DRGX: variants seen among roughly 807,000 people sequenced by gnomAD.
DRGX encodes the protein dorsal root ganglia homeobox protein.
In DRGX, 21 loss-of-function variants were observed where a neutral mutation model predicts 28.6. The ratio of observed to expected loss-of-function variants is 0.73; its 90% CI spans 0.52 to 1.06. The LOEUF (loss-of-function observed/expected upper bound fraction) is 1.06. Ranked by LOEUF, DRGX falls within the 50% of genes least tolerant of loss-of-function variation. The pLI is 0.00. For missense variants in DRGX, 354 were observed against 343.9 expected (o/e 1.03, Z -0.23); for synonymous variants, 136 against 139.1 (o/e 0.98, Z 0.16).
chr10:49,387,584 A>C, intron 4 of DRGX, among the ~76,000 whole-genome samples: 1 of 150,212 alleles, frequency 6.7e-6, no homozygotes, highest in African/African-American at 2.5e-5. Context: ...AATCACTTGA[A>C]CCCGGGAGGT....
intron 4 of DRGX, among the ~76,000 whole-genome samples, chr10:49,389,486 A>G (rs202245500): frequency 3.3e-5 from 5 of 152,166 alleles, no homozygotes; most frequent in South Asian, 2.1e-4. Context: ...TTCCTCTCGC[A>G]CTTGGGCACA....
chr10:49,383,510 A>T (rs1041955273), intron 6 of DRGX, among the ~76,000 whole-genome samples: 2 of 152,210 alleles, frequency 1.3e-5, no homozygotes, highest in African/African-American at 2.4e-5. Context: ...CAGCAGGGCC[A>T]TGGCAGGTCC....
chr10:49,393,460 T>A (rs1204571092), intron 2 of DRGX, among the ~76,000 whole-genome samples: 1 of 152,246 alleles, frequency 6.6e-6, no homozygotes, highest in Non-Finnish European at 1.5e-5. Context: ...TCTGTTGTAT[T>A]CAAACTTCTC....
chr10:49,384,330 C>T (rs1399424675), intron 6 of DRGX, among the ~76,000 whole-genome samples: 1 of 152,238 alleles, frequency 6.6e-6, no homozygotes, highest in African/African-American at 2.4e-5. Flanking sequence ...AAGGGCCCGC[C>T]ATGCCCCTGA....
chr10:49,395,331 C>A, intron 2 of DRGX, 76 bp downstream of exon 2: 1 of 1,534,616 alleles, frequency 6.5e-7, no homozygotes, highest in Non-Finnish European at 8.8e-7. Flanking sequence ...CAGCCACCCA[C>A]CAGCCCTGCT....
At chr10:49,372,672 T>G (rs1009445680) in intron 6 of DRGX, among the ~76,000 whole-genome samples, 6 of 152,230 alleles carry the variant, frequency 3.9e-5, no homozygotes, top group Non-Finnish European at 8.8e-5. Flanking sequence ...GAGGACACCA[T>G]GATGGACACG....
intron 6 of DRGX, among the ~76,000 whole-genome samples, chr10:49,385,412 C>T (rs1002579298): frequency 1.3e-5 from 2 of 152,108 alleles, no homozygotes; most frequent in African/African-American, 4.8e-5. Flanking sequence ...TATCTCTGGG[C>T]ACTCTCCCAT....
chr10:49,390,561 A>G (rs1849891541), intron 3 of DRGX, among the ~76,000 whole-genome samples: 1 of 152,202 alleles, frequency 6.6e-6, no homozygotes, highest in South Asian at 2.1e-4. Flanking sequence ...CTGTTAGAGT[A>G]ATTGTTATCG....
chr10:49,385,530 CCTT>C (rs1196365293), intron 6 of DRGX, among the ~76,000 whole-genome samples: 1 of 152,192 alleles, frequency 6.6e-6, no homozygotes, highest in African/African-American at 2.4e-5. Context: ...ATCATATTCT[CCTT>C]CTGTCTCCAG....
At chr10:49,392,223 A>G (rs944896745) in intron 2 of DRGX, among the ~76,000 whole-genome samples, 7 of 152,258 alleles carry the variant, frequency 4.6e-5, no homozygotes, top group Non-Finnish European at 1.0e-4. Context: ...GAATCACGGC[A>G]TTAGGAGTTC....
At chr10:49,393,668 C>G (rs1392132602) in intron 2 of DRGX, among the ~76,000 whole-genome samples, 1 of 152,224 alleles carries the variant, frequency 6.6e-6, no homozygotes, top group Non-Finnish European at 1.5e-5. Flanking sequence ...ATCCCTTTCA[C>G]CCAGCAACAC....
At chr10:49,375,499 G>A (rs1849707359) in intron 6 of DRGX, among the ~76,000 whole-genome samples, 3 of 152,196 alleles carry the variant, frequency 2.0e-5, no homozygotes, top group Non-Finnish European at 4.4e-5. Context: ...TAACCAATCT[G>A]ATTAATGTCA....
intron 6 of DRGX, 50 bp downstream of exon 6, chr10:49,386,428 C>T (rs1849836671): frequency 1.4e-6 from 2 of 1,459,122 alleles, no homozygotes; most frequent in Non-Finnish European, 9.1e-7. Context: ...ACACAAACTC[C>T]ACCAACCCCA....
intron 6 of DRGX, among the ~76,000 whole-genome samples, chr10:49,374,939 C>T (rs1005905944): frequency 1.3e-5 from 2 of 152,166 alleles, no homozygotes; most frequent in African/African-American, 4.8e-5. Flanking sequence ...CAGCATAGTT[C>T]ACTTATTTCC....
intron 1 of DRGX, 31 bp from the exon 2 acceptor site, chr10:49,395,552 T>A: frequency 7.6e-7 from 1 of 1,322,020 alleles, no homozygotes; most frequent in South Asian, 1.3e-5. Context: ...GAGCTTCAAG[T>A]CTCCCTCTGC....
intron 3 of DRGX, 50 bp from the exon 4 acceptor site, chr10:49,390,284 G>C: frequency 6.7e-6 from 10 of 1,495,764 alleles, no homozygotes; most frequent in Non-Finnish European, 9.1e-6. Flanking sequence ...GCTAGGTGAG[G>C]GGAAGCAGAT....
Position 49,366,269 on chromosome 10 carries a change from G to A in DRGX, c.639C>T (p.Ala213=), listed in dbSNP as rs183224892. The change falls in exon 7 of 7, where the codon GCC becomes GCT. Residue 213 remains alanine, a synonymous_variant. Coordinates refer to ENST00000374139, the MANE Select transcript of DRGX (RefSeq NM_001276451.2). ...GCAGGACAGCTTCTGAGTGCTCGCG[G>A]GCCTTCATGCGCAGGGTGGCCACGC... ...TASVATLRMK[A]REHSEAVLQS... The A allele has an allele frequency of 4.3e-3, 6,908 of 1,613,940 alleles. 18 individuals carry two copies. The highest frequency in any genetic ancestry group is 6.5e-3 in the East Asian group (290 of 44,880).
At chr10:49,390,062 C>T in intron 4 of DRGX, 71 bp downstream of exon 4, 1 of 1,420,144 alleles carries the variant, frequency 7.0e-7, no homozygotes, top group South Asian at 1.3e-5. Flanking sequence ...GTGCACTCTG[C>T]AGTCATGATG....
intron 6 of DRGX, among the ~76,000 whole-genome samples, chr10:49,368,949 G>A (rs1849627033): frequency 6.6e-6 from 1 of 152,222 alleles, no homozygotes; most frequent in Non-Finnish European, 1.5e-5. Context: ...CTTAGGCTTA[G>A]CCCTGGGTAG....
Sources: gnomAD v4.1 joint callset for allele counts (sites outside exome capture counted in the v4.1 genomes callset) on GRCh38, gnomAD v4.1.1 for gene constraint, MANE v1.5 for transcripts, NCBI Gene and HGNC (gene_info 2026-07-23, HGNC 2026-07-21) for gene names.